The following CPLANE1 variants were observed in gnomAD, a reference collection of about 807,000 sequenced individuals.
CPLANE1 encodes ciliogenesis and planar polarity effector 1.
Under a neutral mutation model 362.5 loss-of-function variants are expected in CPLANE1, and 263 were observed. The observed-to-expected ratio is 0.73, with a 90% CI of 0.66 to 0.80. The LOEUF is 0.80. Ranked by LOEUF, CPLANE1 falls within the 30% of genes least tolerant of loss-of-function variation. The pLI is 0.00. For missense variants in CPLANE1, 3,461 were observed against 3,793.4 expected, an observed-to-expected ratio of 0.91 and a Z score of 2.30; for synonymous variants, 1,212 against 1,302.6, an observed-to-expected ratio of 0.93 and a Z score of 1.50.
chr5:37,193,446 G>A (rs1366146189), intron 21 of CPLANE1, among the ~76,000 whole-genome samples: 2 of 152,196 alleles, frequency 1.3e-5, no homozygotes, highest in Non-Finnish European at 2.9e-5. Flanking sequence ...CCTGAGGTCA[G>A]GAGTTTGAGA....
downstream of CPLANE1, among the ~76,000 whole-genome samples, chr5:37,102,534 T>C (rs1757345001): frequency 6.6e-6 from 1 of 152,166 alleles, no homozygotes; most frequent in Admixed American, 6.5e-5. Context: ...ACCTTTTTGT[T>C]GTGGGGATTT....
In CPLANE1 at chr5:37,106,306, C is replaced by T. The variant is rs887753062; in HGVS notation, c.*1296G>A. The stretch of plus-strand genomic sequence containing the variant: ...ATATAGAATTGATATAAGTATCCAA[C>T]AATGGATAAATAGCTAGAAGAAAAG... On this transcript the variant is annotated 3_prime_UTR_variant, in exon 53 of 53. Transcript: ENST00000651892. 1.3e-5 allele frequency: 2 copies of T among 153,040 alleles called. No homozygotes were observed. Among genetic ancestry groups the T allele is most frequent in the African/African-American group, 4.8e-5 (2 of 41,452 alleles). The allele number at this position is 153,040 out of a possible 1,614,324, so 9.5% of individuals were successfully genotyped here.
chr5:37,096,703 GCAAGAAAAAAGCAAA>G, the CPLANE1 span, among the ~76,000 whole-genome samples: 3 of 151,770 alleles, frequency 2.0e-5, no homozygotes, highest in African/African-American at 7.3e-5. Flanking sequence ...ACTCAAATCA[GCAAGAAAAAAGCAAA>G]CAATCCCATC....
chr5:37,094,072 T>G, the CPLANE1 span, among the ~76,000 whole-genome samples: 1 of 152,166 alleles, frequency 6.6e-6, no homozygotes, highest in African/African-American at 2.4e-5. Context: ...CTAATGGTGT[T>G]TACTTGAGAC....
At chr5:37,075,854 A>G in the CPLANE1 span, among the ~76,000 whole-genome samples, 3 of 152,300 alleles carry the variant, frequency 2.0e-5, no homozygotes, top group East Asian at 1.9e-4. Context: ...CTACCAAAAG[A>G]AAAATTGCTT....
chr5:37,146,549 A>T (rs1476930949), intron 43 of CPLANE1, among the ~76,000 whole-genome samples: 1 of 152,174 alleles, frequency 6.6e-6, no homozygotes, highest in Non-Finnish European at 1.5e-5. Context: ...TATATTAAGA[A>T]TTTTTTAAAG....
chr5:37,157,532 A>AG, intron 40 of CPLANE1, 112 bp from the exon 41 acceptor site: 1 of 1,130,538 alleles, frequency 8.8e-7, no homozygotes, highest in Non-Finnish European at 1.3e-6. Flanking sequence ...GAAGATTAAC[A>AG]GAACATTTCT....
At position 37,182,808 on chromosome 5, in the gene CPLANE1, C is replaced by G. The variant is rs77286946; in HGVS notation, c.5373G>C (p.Leu1791Phe). 2 of 1,613,292 alleles carry G rather than the reference C, an allele frequency of 1.2e-6. No homozygotes were observed. The highest frequency in any genetic ancestry group is 1.7e-5 in the Admixed American group (1 of 59,870). ...TAAILTSLWL[L>F]EQPYFATYKA... ...TATATGTAGCAAAATAGGGTTGTTCCAAAAGCCATAATGATGTAAGAATGG... is the reference window on the plus strand; with the variant it reads ...TATATGTAGCAAAATAGGGTTGTTCGAAAAGCCATAATGATGTAAGAATGG... The change falls in exon 26 of 53, where the codon TTG becomes TTC. Residue 1791 changes from leucine to phenylalanine, a missense_variant. Around this residue, in one of 2 missense-constraint regions of CPLANE1, gnomAD observed 3,380 missense variants for 3,666.1 expected, o/e 0.92. Coordinates refer to ENST00000651892, the MANE Select transcript of CPLANE1 (RefSeq NM_001384732.1).
chr5:37,143,369 T>G lies in CPLANE1; in HGVS notation c.8462-889A>C, dbSNP rs188043913. Among the ~76,000 whole-genome samples, 7 of 152,076 alleles carry G rather than the reference T, an allele frequency of 4.6e-5. No homozygotes were observed. In the East Asian group the frequency reaches 1.4e-3, roughly 29 times the overall value. ...AAATACAATAATCAGAAAAGGTTAG[T>G]CATAAAACATGACTGAAATTATGAA... is the stretch of plus-strand genomic sequence containing the variant. On this transcript the variant is annotated intron_variant, in intron 43 of 52. Transcript: ENST00000651892.
intron 27 of CPLANE1, among the ~76,000 whole-genome samples, 167 bp from the exon 28 acceptor site, chr5:37,180,350 T>A (rs1782345800): frequency 6.6e-6 from 1 of 151,902 alleles, no homozygotes; most frequent in African/African-American, 2.4e-5. Context: ...AAGAACAAAC[T>A]TTGGTTTCAT....
intron 36 of CPLANE1, among the ~76,000 whole-genome samples, 187 bp from the exon 37 acceptor site, chr5:37,164,514 C>T (rs1401723476): frequency 6.6e-6 from 1 of 152,104 alleles, no homozygotes; most frequent in Non-Finnish European, 1.5e-5. Flanking sequence ...TCAGAAAATA[C>T]ATAAGCCAAA....
chr5:37,203,821 TG>T (rs1789919814), intron 18 of CPLANE1, among the ~76,000 whole-genome samples: 2 of 152,328 alleles, frequency 1.3e-5, no homozygotes, highest in Admixed American at 6.5e-5. Flanking sequence ...CCTGGCTTCA[TG>T]TACACATTTT....
At position 37,209,452 on chromosome 5, in the gene CPLANE1, G is replaced by A. The variant is rs1370240070; in HGVS notation, c.2921-3027C>T. ...AAGCTATACCAGACATTTAAGGATC[G>A]GGGTATACTGGAAACACTCAAGATA... On this transcript the variant is annotated intron_variant, in intron 16 of 52. Coordinates refer to ENST00000651892, the MANE Select transcript of CPLANE1 (RefSeq NM_001384732.1). The surrounding 1 kb of genome is among the most constrained non-coding windows in gnomAD (Gnocchi z 4.6). 5.4e-6 allele frequency: 7 copies of A among 1,304,882 alleles called. No individual in the cohort carries two copies. The highest frequency in any genetic ancestry group is 7.8e-6 in the Non-Finnish European group (7 of 900,290). 80.8% of individuals were successfully genotyped at this position (1,304,882 alleles called of 1,614,324 possible). A position where few individuals can be genotyped will look rare whatever the true frequency, so the allele number is the denominator to read the frequency against.
At position 37,195,926 on chromosome 5, in the gene CPLANE1, C is replaced by A. The variant is rs72736758; in HGVS notation, c.3743G>T (p.Gly1248Val). The A allele has an allele frequency of 1.3e-5, 21 of 1,612,782 alleles. No individual in the cohort carries two copies. The highest frequency in any genetic ancestry group is 1.7e-5 in the Non-Finnish European group (20 of 1,179,496). Residue 1248 changes from glycine to valine, a missense_variant, in exon 21 of 53, where the codon GGT (glycine) becomes GTT (valine). Around this residue, in one of 2 missense-constraint regions of CPLANE1, gnomAD observed 3,380 missense variants for 3,666.1 expected, o/e 0.92. Transcript: ENST00000651892. ...TGCTCCAGGTCTAAAAAATGCGATA[C>A]CTCCTTTACAGTAATTAAGTAATGA... Reference protein sequence around the residue: ...PQSLLNYCKGGIAFFRPGAAG... With the variant: ...PQSLLNYCKGVIAFFRPGAAG...
At chr5:37,080,442 T>G in the CPLANE1 span, among the ~76,000 whole-genome samples, 1 of 151,996 alleles carries the variant, frequency 6.6e-6, no homozygotes, top group East Asian at 1.9e-4. Context: ...AATTTGGGGG[T>G]TTTTTTCCAA....
chr5:37,221,547 A>G, intron 14 of CPLANE1, 59 bp from the exon 15 acceptor site: 1 of 1,201,856 alleles, frequency 8.3e-7, no homozygotes, highest in East Asian at 2.9e-5. Flanking sequence ...CCCTTGGTGT[A>G]GTGCTCAATT....
chr5:37,208,139 A>G (rs868095072), intron 16 of CPLANE1, among the ~76,000 whole-genome samples: 1 of 152,148 alleles, frequency 6.6e-6, no homozygotes, highest in African/African-American at 2.4e-5. Context: ...TTGTAGAGAC[A>G]GGGTTTCATA....
intron 51 of CPLANE1, among the ~76,000 whole-genome samples, chr5:37,109,222 T>C (rs1281271950): frequency 2.6e-5 from 4 of 152,212 alleles, no homozygotes; most frequent in Admixed American, 6.5e-5. Context: ...AGAAGAGGTA[T>C]GACAATGCTG....
At chr5:37,164,369 G>T in intron 36 of CPLANE1, 42 bp from the exon 37 acceptor site, 1 of 1,479,140 alleles carries the variant, frequency 6.8e-7, no homozygotes, top group Non-Finnish European at 9.4e-7. Context: ...TTAACTCAAA[G>T]ATGTGTATTA....
Sources: gnomAD v4.1 joint callset for allele counts (sites outside exome capture counted in the v4.1 genomes callset) on GRCh38, gnomAD v4.1.1 for gene constraint, gnomAD v4.1.1 regional missense constraint, Gnocchi (gnomAD v3.1) non-coding constraint, MANE v1.5 for transcripts, NCBI Gene and HGNC (gene_info 2026-07-23, HGNC 2026-07-21) for gene names.